NLRP1: variants seen among roughly 807,000 people sequenced by gnomAD.
NLRP1 encodes the protein NLR family pyrin domain containing 1.
A neutral mutation model predicts 136.7 loss-of-function variants in NLRP1; 94 were observed. That is an observed-to-expected ratio of 0.69 (90% CI 0.58 to 0.82). The LOEUF is 0.82. Among genes scored for constraint, NLRP1 ranks in the 40% least tolerant of loss-of-function variants. The probability of loss-of-function intolerance (pLI) is 0.00; values close to 1 mark genes in which losing one functional copy is unlikely to be tolerated. For missense variants in NLRP1, 1,575 were observed against 1,802.7 expected (o/e 0.87, Z 2.29); for synonymous variants, 690 against 725.1 (o/e 0.95, Z 0.78).
intron 5 of NLRP1, among the ~76,000 whole-genome samples, chr17:5,545,411 CACATACACAG>C (rs777435961): frequency 1.7e-4 from 25 of 150,984 alleles, no homozygotes; most frequent in Non-Finnish European, 2.7e-4. Flanking sequence ...GATACACACA[CACATACACAG>C]ACATACACAG....
At chr17:5,508,157 G>T (rs11868600) in intron 15 of NLRP1, among the ~76,000 whole-genome samples, 17,261 of 149,928 alleles carry the variant, frequency 0.12, 1,364 homozygotes, top group African/African-American at 0.23. Context: ...AATTAGCTGG[G>T]TATGGTGGTG....
At chr17:5,572,453 C>T (rs1904478837) in intron 3 of NLRP1, among the ~76,000 whole-genome samples, 1 of 152,204 alleles carries the variant, frequency 6.6e-6, no homozygotes, top group South Asian at 2.1e-4. Flanking sequence ...CATGGTGGCT[C>T]ATGCCTGTAA....
At chr17:5,546,412 G>A (rs1243815595) in intron 5 of NLRP1, among the ~76,000 whole-genome samples, 2 of 152,126 alleles carry the variant, frequency 1.3e-5, no homozygotes, top group Non-Finnish European at 2.9e-5. Context: ...TGTTCCAGAG[G>A]AGGCCAAGGG....
At chr17:5,503,092 T>C (rs1907168608) in intron 15 of NLRP1, 2 of 146,522 alleles carry the variant, frequency 1.4e-5, no homozygotes, top group South Asian at 4.3e-4. Context: ...TAGGGTGCAA[T>C]GGGAGGGTTT....
rs749160345 is a variant in NLRP1 at position 5,533,016 on chromosome 17, T to C, written c.3134-32A>G. 1.6e-5 allele frequency: 26 copies of C among 1,588,234 alleles called. 1 individual carries two copies. The Admixed American group carries it at 4.6e-4, about 28-fold the overall frequency. On this transcript the variant is annotated intron_variant, in intron 10 of 16. Transcript: ENST00000572272. ...CAGCAAGGCAGCGGTCAGCTCCAGA[T>C]TCTCCCGCCTGGCCTCCCCTAGCCC...
chr17:5,559,247 C>G lies in NLRP1; in HGVS notation c.1449G>C (p.Glu483Asp). ...TGTAGAAATATTCCTTCCTGCTGGA[C>G]TCAGAGAACCCCAGGACCTCTACCC... is the stretch of plus-strand genomic sequence containing the variant. The part of the protein sequence containing the change: ...ARWVEVLGFS[E>D]SSRKEYFYRY... The change falls in exon 4 of 17, where the codon GAG becomes GAC. Residue 483 changes from glutamate to aspartate, a missense_variant. By Grantham distance (45) the Glu-to-Asp change is conservative. Transcript: ENST00000572272. 1 of 1,614,190 alleles carries G rather than the reference C, an allele frequency of 6.2e-7. No individual in the cohort carries two copies. The highest frequency in any genetic ancestry group is 8.5e-7 in the Non-Finnish European group (1 of 1,180,018).
At chr17:5,533,723 C>T (rs935690321) in intron 9 of NLRP1, among the ~76,000 whole-genome samples, 174 bp downstream of exon 9, 5 of 151,774 alleles carry the variant, frequency 3.3e-5, no homozygotes, top group South Asian at 2.1e-4. Context: ...GAGAGGGTAA[C>T]GGAAATCCAG....
intron 13 of NLRP1, 40 bp downstream of exon 13, chr17:5,521,484 C>T (rs200213489): frequency 2.3e-5 from 37 of 1,594,062 alleles, no homozygotes; most frequent in Non-Finnish European, 3.0e-5. Flanking sequence ...TGTTTACCGT[C>T]AACCCACCGT....
chr17:5,562,774 T>C (rs1914904766), intron 3 of NLRP1, among the ~76,000 whole-genome samples: 1 of 152,202 alleles, frequency 6.6e-6, no homozygotes, highest in Non-Finnish European at 1.5e-5. Context: ...ACACGCACCC[T>C]GCCATGCCAC....
At chr17:5,564,816 C>T (rs1429797246) in intron 3 of NLRP1, among the ~76,000 whole-genome samples, 1 of 145,110 alleles carries the variant, frequency 6.9e-6, no homozygotes, top group African/African-American at 2.6e-5. Flanking sequence ...TGGCTCACTG[C>T]AAGCTCCGCC....
rs199904472 is a variant in NLRP1, at chr17:5,559,468, C to T, written c.1228G>A (p.Asp410Asn). The T allele has an allele frequency of 3.1e-6, 5 of 1,614,106 alleles. No individual in the cohort carries two copies. Among genetic ancestry groups the T allele is most frequent in the East Asian group, 4.5e-5 (2 of 44,896 alleles). ...SRPERLLFIL[D>N]GVDEPGWVLQ... is the part of the protein sequence containing the mutation. ...ACCCATCCTGGCTCATCTACACCAT[C>T]GAGGATGAAGAGCAGCCGCTCTGGC... is the stretch of plus-strand genomic sequence containing the variant. Residue 410 changes from aspartate (D) to asparagine (N), a missense_variant, in exon 4 of 17, where the codon GAT becomes AAT. Physicochemically the swap from Asp to Asn is conservative, Grantham distance 23. Coordinates refer to ENST00000572272, the MANE Select transcript of NLRP1 (RefSeq NM_033004.4).
At chr17:5,531,617 T>A (rs959366089) in intron 11 of NLRP1, among the ~76,000 whole-genome samples, 2 of 152,186 alleles carry the variant, frequency 1.3e-5, no homozygotes, top group Non-Finnish European at 2.9e-5. Context: ...GGGTTAATAG[T>A]GGGTCCCGGG....
rs757173231 is a variant in NLRP1, at chr17:5,583,713, A to T, written c.245T>A (p.Leu82Gln). ...HTWEQMGLRSLCAQAQEGAGH... is the reference protein window; with the variant it reads ...HTWEQMGLRSQCAQAQEGAGH... ...TGCCCCTTCCTGGGCTTGGGCGCAC[A>T]GTGACCTCAGCCCCATCTGCTCCCA... is the stretch of plus-strand genomic sequence containing the variant. The change falls in exon 1 of 17, where the codon CTG (leucine) becomes CAG (glutamine). Residue 82 changes from leucine to glutamine, a missense_variant. Coordinates refer to ENST00000572272, the MANE Select transcript of NLRP1 (RefSeq NM_033004.4). This position sits in a 1 kb window ranked among gnomAD's most constrained non-coding sequence, Gnocchi z 4.5. 1 of 1,554,086 alleles carries T rather than the reference A, an allele frequency of 6.4e-7. No individual in the cohort carries two copies. Among genetic ancestry groups the T allele is most frequent in the South Asian group, 1.2e-5 (1 of 84,276 alleles).
At chr17:5,513,943 T>C (rs939481229), downstream of NLRP1, among the ~76,000 whole-genome samples, 48 of 152,178 alleles carry the variant, frequency 3.2e-4, no homozygotes, top group Non-Finnish European at 3.5e-4. Flanking sequence ...ACGAACGCCA[T>C]GGCAGCATCT....
In NLRP1 at chr17:5,558,641, C is replaced by T; in HGVS notation, c.2055G>A (p.Glu685=). The T allele has an allele frequency of 6.2e-7, 1 of 1,611,116 alleles. No individual in the cohort carries two copies. The highest frequency in any genetic ancestry group is 1.7e-4 in the Middle Eastern group (1 of 6,058). ...LGLLSDEGER[E]MENIFHCRLS... ...GCCGGCAGTGAAAGATGTTCTCCAT[C>T]TCTCTCTCCCCCTCATCACTTAACA... The change falls in exon 4 of 17, where the codon GAG becomes GAA. Residue 685 remains glutamate (E), a synonymous_variant. Coordinates refer to ENST00000572272, the MANE Select transcript of NLRP1 (RefSeq NM_033004.4).
intron 4 of NLRP1, among the ~76,000 whole-genome samples, chr17:5,554,551 T>G (rs1488570712): frequency 1.3e-5 from 2 of 152,178 alleles, no homozygotes; most frequent in African/African-American, 4.8e-5. Flanking sequence ...AGGAGCTGCC[T>G]GCATGTGGGC....
At chr17:5,566,455 T>G (rs1915345111) in intron 3 of NLRP1, among the ~76,000 whole-genome samples, 1 of 152,134 alleles carries the variant, frequency 6.6e-6, no homozygotes, top group Non-Finnish European at 1.5e-5. Flanking sequence ...TTAATTTTCA[T>G]GTATTTATGT....
At chr17:5,503,631 C>T (rs1052550927) in intron 15 of NLRP1, 2 of 152,134 alleles carry the variant, frequency 1.3e-5, no homozygotes, top group African/African-American at 2.4e-5. Context: ...GCTTGGCTGA[C>T]TCCATGGCCT....
chr17:5,550,802 G>C (rs1158578464), intron 5 of NLRP1, among the ~76,000 whole-genome samples: 1 of 152,076 alleles, frequency 6.6e-6, no homozygotes, highest in Non-Finnish European at 1.5e-5. Flanking sequence ...AAATTCTTAA[G>C]GTGTAAGTTT....
Sources: gnomAD v4.1 joint callset for allele counts (sites outside exome capture counted in the v4.1 genomes callset) on GRCh38, gnomAD v4.1.1 for gene constraint, Gnocchi (gnomAD v3.1) non-coding constraint, MANE v1.5 for transcripts, NCBI Gene and HGNC (gene_info 2026-07-23, HGNC 2026-07-21) for gene names.